The following CLIP4 variants were observed in gnomAD, a reference collection of about 807,000 sequenced individuals.
The protein encoded by CLIP4 is CAP-Gly domain containing linker protein family member 4, also known as CAP-Gly domain-containing linker protein 4.
In CLIP4, 47 loss-of-function variants were observed where a neutral mutation model predicts 73.1. That is an observed-to-expected ratio of 0.64 (90% CI 0.51 to 0.82). CLIP4 has a LOEUF of 0.82. Ranked by LOEUF, CLIP4 falls within the 40% of genes least tolerant of loss-of-function variation. CLIP4 has a pLI of 0.00. For synonymous variants in CLIP4, 306 were observed against 295.4 expected, an observed-to-expected ratio of 1.04 and a Z score of -0.37; for missense variants, 874 against 852.9, an observed-to-expected ratio of 1.02 and a Z score of -0.31.
intron 1 of CLIP4, among the ~76,000 whole-genome samples, chr2:29,106,121 T>TC (rs1186596728): frequency 5.9e-5 from 9 of 152,168 alleles, no homozygotes; most frequent in Admixed American, 5.2e-4. Context: ...AAATCTTGGT[T>TC]CTTCTATTTA....
At chr2:29,103,908 G>A (rs1403047363) in intron 1 of CLIP4, among the ~76,000 whole-genome samples, 3 of 151,706 alleles carry the variant, frequency 2.0e-5, no homozygotes, top group Non-Finnish European at 4.4e-5. Flanking sequence ...GTAGACACAG[G>A]GTTTCACTAT....
At chr2:29,120,108 A>G (rs766153938) in intron 1 of CLIP4, among the ~76,000 whole-genome samples, 1 of 152,126 alleles carries the variant, frequency 6.6e-6, no homozygotes, top group Admixed American at 6.5e-5. Flanking sequence ...TCATTTTCCT[A>G]TTTATGTGGC....
chr2:29,177,514 G>A (rs1375823057), intron 15 of CLIP4, among the ~76,000 whole-genome samples: 1 of 152,028 alleles, frequency 6.6e-6, no homozygotes, highest in Admixed American at 6.5e-5. Flanking sequence ...CTGGGGGGCA[G>A]AGGTTGCAGT....
chr2:29,139,547 G>C (rs1665612520), intron 6 of CLIP4, among the ~76,000 whole-genome samples: 1 of 152,022 alleles, frequency 6.6e-6, no homozygotes, highest in Non-Finnish European at 1.5e-5. Flanking sequence ...TATCATTTTG[G>C]TAGGATTGTT....
At chr2:29,157,501 C>T in intron 11 of CLIP4, 154 bp downstream of exon 11, 1 of 1,107,664 alleles carries the variant, frequency 9.0e-7, no homozygotes, top group Non-Finnish European at 1.3e-6. Context: ...AACCTTAAGC[C>T]TTAAGGTCTC....
At chr2:29,132,332 G>GCCTTCCCCCA in intron 4 of CLIP4, 87 bp downstream of exon 4, 1 of 1,046,996 alleles carries the variant, frequency 9.6e-7, no homozygotes, top group Non-Finnish European at 1.5e-6. Flanking sequence ...ATTGTCTGGG[G>GCCTTCCCCCA]GAAGGCACCC....
rs1002695635 is a variant in CLIP4, at chr2:29,181,960, GTTTAC to G, written c.*72_*76del. On this transcript the variant is annotated 3_prime_UTR_variant, in exon 16 of 16. Transcript: ENST00000320081. The stretch of plus-strand genomic sequence containing the variant: ...GTAAATAAAGAGTCCATGGTAAATG[GTTTAC>G]TTTATTTAGCCATATTAAAATTTTG... The G allele has an allele frequency of 7.5e-6, 10 of 1,331,016 alleles. No homozygotes were observed. The highest frequency in any genetic ancestry group is 7.2e-5 in the Admixed American group (3 of 41,626). The allele number at this position is 1,331,016 out of a possible 1,614,324, so 82.5% of individuals were successfully genotyped here.
At chr2:29,137,118 G>A (rs1320259396) in intron 6 of CLIP4, among the ~76,000 whole-genome samples, 1 of 151,956 alleles carries the variant, frequency 6.6e-6, no homozygotes, top group Non-Finnish European at 1.5e-5. Context: ...TTGGGCTTCT[G>A]TTGACGCCGT....
At chr2:29,133,043 C>T (rs1180398037) in intron 4 of CLIP4, among the ~76,000 whole-genome samples, 2 of 151,986 alleles carry the variant, frequency 1.3e-5, no homozygotes, top group African/African-American at 4.8e-5. Context: ...AAAAAATTAG[C>T]CAACCATGGT....
At chr2:29,160,585 C>T in intron 12 of CLIP4, 118 bp downstream of exon 12, 1 of 1,106,884 alleles carries the variant, frequency 9.0e-7, no homozygotes, top group Non-Finnish European at 1.3e-6. Flanking sequence ...TTGTGGATGG[C>T]AGCTATAGTA....
At chr2:29,107,078 G>A (rs1167184930) in intron 1 of CLIP4, among the ~76,000 whole-genome samples, 1 of 152,276 alleles carries the variant, frequency 6.6e-6, no homozygotes, top group Middle Eastern at 3.4e-3. Context: ...GGCGAGGAGA[G>A]TCATTTGATC....
intron 15 of CLIP4, 145 bp downstream of exon 15, chr2:29,174,590 G>A: frequency 7.2e-7 from 1 of 1,379,640 alleles, no homozygotes. Context: ...AGTGTATTGA[G>A]AAGCGTTCTT....
intron 1 of CLIP4, among the ~76,000 whole-genome samples, chr2:29,100,058 GTTTA>G (rs1270527646): frequency 4.6e-5 from 7 of 152,110 alleles, no homozygotes; most frequent in African/African-American, 1.7e-4. Context: ...ATTTTAATCT[GTTTA>G]TTTATTTTGA....
At chr2:29,102,676 A>G (rs1238666490) in intron 1 of CLIP4, among the ~76,000 whole-genome samples, 2 of 151,068 alleles carry the variant, frequency 1.3e-5, no homozygotes, top group African/African-American at 4.9e-5. Flanking sequence ...CCCAGGCTGG[A>G]CTGCAGTGGT....
At chr2:29,124,423 T>G (rs1004384822) in intron 2 of CLIP4, among the ~76,000 whole-genome samples, 20 of 152,176 alleles carry the variant, frequency 1.3e-4, no homozygotes, top group African/African-American at 4.8e-4. Context: ...ATTTTACTAT[T>G]ATGTGCTTAG....
chr2:29,178,598 A>T (rs1280297503), intron 15 of CLIP4, among the ~76,000 whole-genome samples: 3 of 152,164 alleles, frequency 2.0e-5, no homozygotes, highest in Non-Finnish European at 2.9e-5. Flanking sequence ...CTTCAGCGTG[A>T]CTTTTGCAAT....
intron 7 of CLIP4, among the ~76,000 whole-genome samples, chr2:29,144,826 A>G (rs562243918): frequency 1.8e-3 from 220 of 125,066 alleles, no homozygotes; most frequent in Non-Finnish European, 2.7e-3. Context: ...TTTTTTGAGA[A>G]GAGTCTCACT....
intron 13 of CLIP4, among the ~76,000 whole-genome samples, chr2:29,165,995 T>A (rs1483790993): frequency 6.6e-6 from 1 of 151,100 alleles, no homozygotes. Context: ...AAAATAGGGC[T>A]GTCTCTAAAT....
intron 2 of CLIP4, among the ~76,000 whole-genome samples, chr2:29,123,284 C>A (rs893098639): frequency 6.6e-6 from 1 of 152,188 alleles, no homozygotes; most frequent in Non-Finnish European, 1.5e-5. Flanking sequence ...TCAGTCTCCC[C>A]TTGAAAAGCG....
Sources: allele counts gnomAD v4.1 joint callset (sites outside exome capture counted in the v4.1 genomes callset), GRCh38; gene constraint gnomAD v4.1.1; transcripts MANE v1.5; gene names NCBI Gene and HGNC (gene_info 2026-07-23, HGNC 2026-07-21).